The following ALG2 variants were observed in gnomAD, a reference collection of about 807,000 sequenced individuals.
ALG2 encodes ALG2 alpha-1,3/1,6-mannosyltransferase, also known as alpha-1,3/1,6-mannosyltransferase ALG2.
A neutral mutation model predicts 30.5 loss-of-function variants in ALG2; 32 were observed. The ratio of observed to expected loss-of-function variants is 1.05; its 90% CI spans 0.79 to 1.41. The LOEUF (loss-of-function observed/expected upper bound fraction) is 1.41. Ranked by LOEUF, ALG2 falls within the 40% of genes most tolerant of loss-of-function variation. ALG2 has a pLI of 0.00. For synonymous variants in ALG2, 253 were observed against 224.8 expected, an observed-to-expected ratio of 1.13 and a Z score of -1.12; for missense variants, 574 against 526.4, an observed-to-expected ratio of 1.09 and a Z score of -0.88.
Position 99,221,697 on chromosome 9 carries a change from T to C in ALG2, c.198A>G (p.Leu66=), listed in dbSNP as rs374316187. 1.1e-5 allele frequency: 17 copies of C among 1,583,704 alleles called. No homozygotes were observed. Among genetic ancestry groups the C allele is most frequent in the African/African-American group, 2.7e-5 (2 of 74,592 alleles). The part of the protein sequence containing the change: ...PGHCFAESRE[L]PVRCAGDWLP... The stretch of plus-strand genomic sequence containing the variant: ...GCCAGTCCCCGGCACAGCGCACCGG[T>C]AGCTCGCGGCTCTCGGCGAAACAGT... Residue 66 remains leucine (L), a synonymous_variant, in exon 1 of 2, where the codon CTA becomes CTG. Coordinates refer to ENST00000476832, the MANE Select transcript of ALG2 (RefSeq NM_033087.4).
chr9:99,221,816 C>T lies in ALG2; in HGVS notation c.79G>A (p.Gly27Ser). 1.9e-6 allele frequency: 3 copies of T among 1,597,604 alleles called. No homozygotes were observed. Among genetic ancestry groups the T allele is most frequent in the Non-Finnish European group, 1.7e-6 (2 of 1,179,250 alleles). The change falls in exon 1 of 2, where the codon GGC becomes AGC. Residue 27 changes from glycine (G) to serine (S), a missense_variant. Transcript: ENST00000476832. ...TCCAACACCAGCCGCTCAGCGCCGC[C>T]CACGCCCAGGTCTGGGTGGAGGAAC... The part of the protein sequence containing the change: ...VLFLHPDLGV[G>S]GAERLVLDAA...
intron 1 of ALG2, chr9:99,220,897 CA>C: frequency 2.4e-6 from 3 of 1,275,530 alleles, no homozygotes; most frequent in Non-Finnish European, 2.1e-6. Context: ...TTTTTAAAGT[CA>C]TCTTTTTTAG....
intron 1 of ALG2, chr9:99,221,131 A>C (rs1226472045): frequency 1.5e-6 from 2 of 1,358,534 alleles, no homozygotes; most frequent in Non-Finnish European, 1.9e-6. Context: ...AGTGGGATGC[A>C]AATGGCCTGA....
chr9:99,219,579 C>T (rs756892155), intron 1 of ALG2, among the ~76,000 whole-genome samples: 1 of 152,226 alleles, frequency 6.6e-6, no homozygotes, highest in Non-Finnish European at 1.5e-5. Context: ...ATGCAAAACA[C>T]ATGGAGTTTA....
In ALG2 at chr9:99,216,553, C is replaced by G; in HGVS notation, c.*1381G>C. On this transcript the variant is annotated 3_prime_UTR_variant, in exon 2 of 2. Coordinates refer to ENST00000476832, the MANE Select transcript of ALG2 (RefSeq NM_033087.4). ...CTGTGATACAGATGCACATGATAAA[C>G]TGTAAAATGGAATTTCACCCATTGA... 2.2e-6 allele frequency: 1 copy of G among 454,126 alleles called. No individual in the cohort carries two copies. The highest frequency in any genetic ancestry group is 1.6e-5 in the South Asian group (1 of 64,474). 28.1% of individuals were successfully genotyped at this position (454,126 alleles called of 1,614,324 possible).
chr9:99,218,243 G>C lies in ALG2; in HGVS notation c.942C>G (p.Ser314Arg). 1 of 1,614,254 alleles carries C rather than the reference G, an allele frequency of 6.2e-7. No individual in the cohort carries two copies. The highest frequency in any genetic ancestry group is 8.5e-7 in the Non-Finnish European group (1 of 1,180,044). ...SDKQKISLLH[S>R]CTCVLYTPSN... ...TTGGTGTGTAAAGCACACACGTGCA[G>C]CTGTGGAGGAGGGAGATTTTCTGTT... The change falls in exon 2 of 2, where the codon AGC becomes AGG. Residue 314 changes from serine to arginine, a missense_variant. Physicochemically the swap from Ser to Arg is moderately radical, Grantham distance 110. Transcript: ENST00000476832.
intron 1 of ALG2, among the ~76,000 whole-genome samples, chr9:99,220,816 G>A (rs1828782043): frequency 6.6e-6 from 1 of 152,204 alleles, no homozygotes; most frequent in African/African-American, 2.4e-5. Flanking sequence ...TATCTTCAGG[G>A]AGTAGAATAG....
Position 99,217,191 on chromosome 9 carries a change from GA to G in ALG2, c.*742del, listed in dbSNP as rs1415619069. 2.2e-6 allele frequency: 1 copy of G among 454,028 alleles called. No individual in the cohort carries two copies. Among genetic ancestry groups the G allele is most frequent in the South Asian group, 1.6e-5 (1 of 64,472 alleles). The allele number at this position is 454,028 out of a possible 1,614,324, so 28.1% of individuals were successfully genotyped here. On this transcript the variant is annotated 3_prime_UTR_variant, in exon 2 of 2. Transcript: ENST00000476832. ...AAATATTAACAAAACTAATGACCTAGATGACATTAAGAAATATACCCTAAAC... is the reference window on the plus strand; with the variant it reads ...AAATATTAACAAAACTAATGACCTAGTGACATTAAGAAATATACCCTAAAC...
chr9:99,220,930 G>T, intron 1 of ALG2: 1 of 1,326,766 alleles, frequency 7.5e-7, no homozygotes, highest in African/African-American at 1.5e-5. Flanking sequence ...ATGCACGAAG[G>T]AAAGAGTCAA....
Position 99,217,951 on chromosome 9 carries a change from T to C in ALG2, c.1234A>G (p.Thr412Ala). The change falls in exon 2 of 2, where the codon ACC becomes GCC. Residue 412 changes from threonine (T) to alanine (A), a missense_variant. Transcript: ENST00000476832. Reference sequence around the variant, plus strand: ...CAATCTGATTATACCAGCAGTTTGGTAACATATCGGTAGAGCTGTTCTGTA... The same window carrying C: ...CAATCTGATTATACCAGCAGTTTGGCAACATATCGGTAGAGCTGTTCTGTA... ...AFTEQLYRYV[T>A]KLLV 1 of 1,614,268 alleles carries C rather than the reference T, an allele frequency of 6.2e-7. No homozygotes were observed. The highest frequency in any genetic ancestry group is 8.5e-7 in the Non-Finnish European group (1 of 1,180,046).
Position 99,218,140 on chromosome 9 carries a change from G to T in ALG2, c.1045C>A (p.Pro349Thr). 6.2e-7 allele frequency: 1 copy of T among 1,611,446 alleles called. No individual in the cohort carries two copies. The highest frequency in any genetic ancestry group is 1.1e-5 in the South Asian group (1 of 90,942). Reference sequence around the variant, plus strand: ...ACACTGTGGTCAATGGACTCCAAGGGTCCACCCGAATTAACAGCAATGACT... The same window carrying T: ...ACACTGTGGTCAATGGACTCCAAGGTTCCACCCGAATTAACAGCAATGACT... ...CPVIAVNSGG[P>T]LESIDHSVTG... Residue 349 changes from proline to threonine, a missense_variant, in exon 2 of 2, where the codon CCC becomes ACC. Physicochemically the swap from Pro to Thr is conservative, Grantham distance 38. Coordinates refer to ENST00000476832, the MANE Select transcript of ALG2 (RefSeq NM_033087.4).
chr9:99,220,248 C>A (rs190708611), intron 1 of ALG2, among the ~76,000 whole-genome samples: 75 of 152,334 alleles, frequency 4.9e-4, no homozygotes, highest in African/African-American at 1.8e-3. Flanking sequence ...CATTACAACA[C>A]TGATCTATTC....
rs761365211 is a variant in ALG2, at chr9:99,218,649, A to C, written c.536T>G (p.Phe179Cys). The C allele has an allele frequency of 6.2e-7, 1 of 1,614,174 alleles. No homozygotes were observed. ...TGTTTCCTTAAAAACAGCAGCTGTG[A>C]ACTGGCTGTTGACTAAGATGCAGTC... The part of the protein sequence containing the change: ...MADCILVNSQ[F>C]TAAVFKETFK... The change falls in exon 2 of 2, where the codon TTC (phenylalanine) becomes TGC (cysteine). Residue 179 changes from phenylalanine (F) to cysteine (C), a missense_variant. Coordinates refer to ENST00000476832, the MANE Select transcript of ALG2 (RefSeq NM_033087.4).
chr9:99,217,313 T>A lies in ALG2; in HGVS notation c.*621A>T. 1 of 454,164 alleles carries A rather than the reference T, an allele frequency of 2.2e-6. No individual in the cohort carries two copies. The highest frequency in any genetic ancestry group is 4.4e-6 in the Non-Finnish European group (1 of 226,798). The allele number at this position is 454,164 out of a possible 1,614,324, so 28.1% of individuals were successfully genotyped here. On this transcript the variant is annotated 3_prime_UTR_variant, in exon 2 of 2. Transcript: ENST00000476832. ...TTCCAGTTTGGTTGTCATATCCATGTTCGTAACAATACCAAAATAGATTAT... is the reference window on the plus strand; with the variant it reads ...TTCCAGTTTGGTTGTCATATCCATGATCGTAACAATACCAAAATAGATTAT...
At position 99,217,757 on chromosome 9, in the gene ALG2, T is replaced by G. The variant is rs1828719024; in HGVS notation, c.*177A>C. ...AATGATTATAGCATAAAAGACATGG[T>G]TTTTCTGAAAAGTGGACAGGGAGGT... is the stretch of plus-strand genomic sequence containing the variant. On this transcript the variant is annotated 3_prime_UTR_variant, in exon 2 of 2. Coordinates refer to ENST00000476832, the MANE Select transcript of ALG2 (RefSeq NM_033087.4). 5 of 761,152 alleles carry G rather than the reference T, an allele frequency of 6.6e-6. No individual in the cohort carries two copies. The South Asian group carries it at 7.3e-5, about 11-fold the overall frequency. The allele number at this position is 761,152 out of a possible 1,614,324, so 47.1% of individuals were successfully genotyped here. A position where few individuals can be genotyped will look rare whatever the true frequency, so the allele number is the denominator to read the frequency against.
At chr9:99,221,201 T>C in intron 1 of ALG2, 1 of 1,354,596 alleles carries the variant, frequency 7.4e-7, no homozygotes, top group East Asian at 3.2e-5. Context: ...TACTCATTAG[T>C]AAAAGGTGAC....
chr9:99,218,494 T>C lies in ALG2; in HGVS notation c.691A>G (p.Ile231Val). ...PKGKKFLLLS[I>V]NRYERKKNLT... ...TTTTTCTTCCTTTCGTATCTGTTGA[T>C]GGAGAGCAGCAGGAATTTTTTCCCC... The change falls in exon 2 of 2, where the codon ATC becomes GTC. Residue 231 changes from isoleucine (I) to valine (V), a missense_variant. Physicochemically the swap from Ile to Val is conservative, Grantham distance 29. Coordinates refer to ENST00000476832, the MANE Select transcript of ALG2 (RefSeq NM_033087.4). 1.1e-5 allele frequency: 18 copies of C among 1,614,234 alleles called. No individual in the cohort carries two copies. The highest frequency in any genetic ancestry group is 1.4e-5 in the Non-Finnish European group (17 of 1,180,042).
chr9:99,220,652 A>C (rs975418864), intron 1 of ALG2, among the ~76,000 whole-genome samples: 8 of 152,086 alleles, frequency 5.3e-5, no homozygotes, highest in Admixed American at 3.3e-4. Flanking sequence ...ATAAATAAAT[A>C]AATAAATAAA....
intron 1 of ALG2, chr9:99,221,026 GTA>G: frequency 7.4e-7 from 1 of 1,353,324 alleles, no homozygotes; most frequent in African/African-American, 1.5e-5. Flanking sequence ...GGGGAGCCAT[GTA>G]CAAGTTTTAA....
Sources: gnomAD v4.1 joint callset for allele counts (sites outside exome capture counted in the v4.1 genomes callset) on GRCh38, gnomAD v4.1.1 for gene constraint, MANE v1.5 for transcripts, NCBI Gene and HGNC (gene_info 2026-07-23, HGNC 2026-07-21) for gene names.